Variants in MEMO1 observed in about 807,000 individuals in gnomAD.
MEMO1 encodes protein MEMO1.
Under a neutral mutation model 45.2 loss-of-function variants are expected in MEMO1, and 6 were observed. The ratio of observed to expected loss-of-function variants is 0.13; its 90% confidence interval spans 0.07 to 0.26. The LOEUF (loss-of-function observed/expected upper bound fraction) is 0.26. MEMO1 is among the 10% of genes least tolerant of loss of function. The probability of loss-of-function intolerance (pLI) is 1.00; values close to 1 mark genes in which losing one functional copy is unlikely to be tolerated. For synonymous variants in MEMO1, 78 were observed against 124.3 expected (o/e 0.63, Z 2.48); for missense variants, 184 against 370.5 (o/e 0.50, Z 4.13).
intron 6 of MEMO1, among the ~76,000 whole-genome samples, chr2:31,910,418 T>A (rs1160383488): frequency 6.6e-6 from 1 of 152,208 alleles, no homozygotes; most frequent in African/African-American, 2.4e-5. Context: ...AAATAATTTG[T>A]TCAAATTAAT....
At chr2:31,981,955 C>T (rs1348262842) in intron 2 of MEMO1, among the ~76,000 whole-genome samples, 1 of 152,084 alleles carries the variant, frequency 6.6e-6, no homozygotes, top group Non-Finnish European at 1.5e-5. Context: ...TCAGGATATC[C>T]TAGGATGAAA....
At chr2:31,980,108 T>C (rs984583139) in intron 2 of MEMO1, among the ~76,000 whole-genome samples, 1 of 152,126 alleles carries the variant, frequency 6.6e-6, no homozygotes, top group Non-Finnish European at 1.5e-5. Context: ...CTAAATTATA[T>C]TGATGCCAAA....
Position 31,892,023 on chromosome 2 carries a change from G to A in MEMO1, c.549C>T (p.Leu183=). ...GGCAGAAATCAGAAGAAACCACAAA[G>A]AGATTACTAGGATCCGCTAGATATT... The part of the protein sequence containing the change: ...FSKYLADPSN[L]FVVSSDFCHW... Residue 183 remains leucine (L), a synonymous_variant, in exon 7 of 10, where the codon CTC becomes CTT. Transcript: ENST00000404530. 1 of 1,611,744 alleles carries A rather than the reference G, an allele frequency of 6.2e-7. No individual in the cohort carries two copies. Among genetic ancestry groups the A allele is most frequent in the Non-Finnish European group, 8.5e-7 (1 of 1,179,434 alleles).
intron 2 of MEMO1, among the ~76,000 whole-genome samples, chr2:32,007,080 A>T (rs1674184059): frequency 6.6e-6 from 1 of 151,786 alleles, no homozygotes; most frequent in Non-Finnish European, 1.5e-5. Context: ...ATTGGTCCTC[A>T]CTCTCAACTG....
chr2:31,948,348 T>A (rs1233898407), intron 2 of MEMO1, among the ~76,000 whole-genome samples: 1 of 152,216 alleles, frequency 6.6e-6, no homozygotes, highest in Non-Finnish European at 1.5e-5. Flanking sequence ...CCATTTTTTT[T>A]ATAGGTAATA....
chr2:31,994,418 T>C (rs1672319424), intron 2 of MEMO1, among the ~76,000 whole-genome samples: 4 of 149,668 alleles, frequency 2.7e-5, no homozygotes, highest in East Asian at 2.0e-4. Flanking sequence ...TCACCTGAGG[T>C]TGGGAGTTCA....
At chr2:32,007,992 G>A (rs916542846) in intron 2 of MEMO1, among the ~76,000 whole-genome samples, 2 of 152,114 alleles carry the variant, frequency 1.3e-5, no homozygotes, top group African/African-American at 4.8e-5. Context: ...AAGGTTCTCT[G>A]TGACAATGCA....
In MEMO1 at chr2:31,868,231, A is replaced by T. The variant is rs1316265957; in HGVS notation, c.*130T>A. On this transcript the variant is annotated 3_prime_UTR_variant, in exon 10 of 10. Coordinates refer to ENST00000404530, the MANE Select transcript of MEMO1 (RefSeq NM_001301833.4). ...AGGACTACACCTACTAGAAAAAAAG[A>T]GAAGAAAGTTCTATTAGTTTGAGGT... 2 of 834,110 alleles carry T rather than the reference A, an allele frequency of 2.4e-6. No individual in the cohort carries two copies. Among genetic ancestry groups the T allele is most frequent in the African/African-American group, 3.6e-5 (2 of 56,160 alleles). 51.7% of individuals were successfully genotyped at this position (834,110 alleles called of 1,614,324 possible). A position where few individuals can be genotyped will look rare whatever the true frequency, so the allele number is the denominator to read the frequency against.
At chr2:31,877,808 A>G (rs1485536853) in intron 8 of MEMO1, among the ~76,000 whole-genome samples, 1 of 152,174 alleles carries the variant, frequency 6.6e-6, no homozygotes, top group Non-Finnish European at 1.5e-5. Flanking sequence ...ATATATATTT[A>G]TTATAAATTC....
chr2:31,902,545 G>A (rs775958959), intron 6 of MEMO1, among the ~76,000 whole-genome samples: 2 of 151,994 alleles, frequency 1.3e-5, no homozygotes, highest in Admixed American at 6.6e-5. Context: ...ACTATCCTAA[G>A]CCTCAATTTT....
chr2:31,982,588 C>CA (rs60208602), intron 2 of MEMO1, among the ~76,000 whole-genome samples: 3,464 of 69,864 alleles, frequency 0.05, 81 homozygotes, highest in East Asian at 0.14. Context: ...GACTCCGTCT[C>CA]AAAAAAAAAA....
intron 2 of MEMO1, among the ~76,000 whole-genome samples, chr2:31,952,194 T>A (rs921931182): frequency 6.6e-5 from 10 of 152,210 alleles, no homozygotes; most frequent in Non-Finnish European, 1.0e-4. Context: ...TATATAAACC[T>A]CAAAGGTTAG....
At chr2:31,974,471 G>A (rs1161711384) in intron 2 of MEMO1, among the ~76,000 whole-genome samples, 9 of 152,198 alleles carry the variant, frequency 5.9e-5, no homozygotes, top group Admixed American at 5.2e-4. Context: ...TTGCGGCCGG[G>A]CACGGTGACT....
At chr2:31,940,769 G>C (rs892543400) in intron 3 of MEMO1, among the ~76,000 whole-genome samples, 3 of 152,136 alleles carry the variant, frequency 2.0e-5, no homozygotes, top group Admixed American at 2.0e-4. Flanking sequence ...CTGGCCTCAA[G>C]CAATCCTCCT....
At chr2:31,883,650 A>G in intron 7 of MEMO1, among the ~76,000 whole-genome samples, 188 bp from the exon 8 acceptor site, 1 of 152,168 alleles carries the variant, frequency 6.6e-6, no homozygotes, top group East Asian at 1.9e-4. Flanking sequence ...TAAAGAAATG[A>G]TATCACCAAT....
intron 2 of MEMO1, among the ~76,000 whole-genome samples, chr2:31,977,296 G>A (rs118084206): frequency 1.3e-5 from 2 of 152,244 alleles, no homozygotes; most frequent in East Asian, 1.9e-4. Context: ...GACAGTCAAT[G>A]GGGAGCCACT....
chr2:31,986,601 G>A (rs1671291118), intron 2 of MEMO1, among the ~76,000 whole-genome samples: 2 of 151,912 alleles, frequency 1.3e-5, no homozygotes, highest in South Asian at 4.2e-4. Context: ...AATAAGTTTT[G>A]CAAAATACCT....
intron 7 of MEMO1, among the ~76,000 whole-genome samples, chr2:31,888,880 A>C (rs1257004013): frequency 6.6e-6 from 1 of 152,088 alleles, no homozygotes; most frequent in Non-Finnish European, 1.5e-5. Flanking sequence ...ACTCAACTAG[A>C]AAGAAAACTT....
chr2:31,912,743 CA>C (rs1680782721), intron 6 of MEMO1, among the ~76,000 whole-genome samples: 1 of 151,960 alleles, frequency 6.6e-6, no homozygotes, highest in Non-Finnish European at 1.5e-5. Flanking sequence ...CTTACATATG[CA>C]AAAATATATG....
Sources: allele counts gnomAD v4.1 joint callset (sites outside exome capture counted in the v4.1 genomes callset), GRCh38; gene constraint gnomAD v4.1.1; transcripts MANE v1.5; gene names NCBI Gene and HGNC (gene_info 2026-07-23, HGNC 2026-07-21).